SGCZ: variants seen among roughly 807,000 people sequenced by gnomAD.
The protein encoded by SGCZ is zeta-sarcoglycan.
SGCZ carries 40 observed loss-of-function variants against 41.3 expected under a neutral mutation model. The observed-to-expected ratio is 0.97, with a 90% CI of 0.75 to 1.26. The LOEUF (loss-of-function observed/expected upper bound fraction) is 1.26, where lower values mean the gene tolerates loss of function less well. Ranked by LOEUF, SGCZ falls within the 50% of genes most tolerant of loss-of-function variation. SGCZ has a pLI of 0.00. For synonymous variants in SGCZ, 206 were observed against 137.5 expected (o/e 1.50, Z -3.49); for missense variants, 552 against 369.8 (o/e 1.49, Z -4.04).
chr8:14,939,191 A>G (rs759118596), intron 1 of SGCZ, among the ~76,000 whole-genome samples: 10 of 152,082 alleles, frequency 6.6e-5, no homozygotes, highest in South Asian at 4.1e-4. Flanking sequence ...ATGAACACTA[A>G]CACTCAAAGA....
chr8:14,853,966 T>C (rs1263582951), intron 1 of SGCZ, among the ~76,000 whole-genome samples: 1 of 147,930 alleles, frequency 6.8e-6, no homozygotes, highest in Non-Finnish European at 1.5e-5. Context: ...AGGTCGAAAT[T>C]TGCCTACTCC....
intron 1 of SGCZ, among the ~76,000 whole-genome samples, chr8:14,923,254 T>C (rs947650320): frequency 1.3e-5 from 2 of 152,214 alleles, no homozygotes; most frequent in South Asian, 2.1e-4. Flanking sequence ...TATTCTACTT[T>C]GACTCAATGG....
At chr8:15,231,301 C>T (rs1256648370) in intron 1 of SGCZ, among the ~76,000 whole-genome samples, 1 of 152,084 alleles carries the variant, frequency 6.6e-6, no homozygotes, top group Non-Finnish European at 1.5e-5. Context: ...TATTTAATAC[C>T]AGCAAAGTGG....
chr8:15,134,304 C>CTTTT (rs59649473), intron 1 of SGCZ, among the ~76,000 whole-genome samples: 3 of 145,698 alleles, frequency 2.1e-5, no homozygotes, highest in Non-Finnish European at 4.5e-5. Flanking sequence ...AGCATTAGGT[C>CTTTT]TTTTTTTTTT....
chr8:14,212,234 T>C (rs888593006), intron 4 of SGCZ, among the ~76,000 whole-genome samples: 1 of 152,018 alleles, frequency 6.6e-6, no homozygotes, highest in Non-Finnish European at 1.5e-5. Flanking sequence ...TTGCTGGATG[T>C]ACCAGCAGAG....
intron 2 of SGCZ, among the ~76,000 whole-genome samples, chr8:14,394,850 A>G (rs1798862618): frequency 6.6e-6 from 1 of 152,206 alleles, no homozygotes; most frequent in Non-Finnish European, 1.5e-5. Flanking sequence ...TGTTGGAACC[A>G]TTCATGCTTC....
At chr8:14,502,769 A>G (rs1802191876) in intron 2 of SGCZ, among the ~76,000 whole-genome samples, 1 of 152,356 alleles carries the variant, frequency 6.6e-6, no homozygotes, top group Admixed American at 6.5e-5. Flanking sequence ...CACGCCAGTT[A>G]GAACGGCAAT....
intron 2 of SGCZ, among the ~76,000 whole-genome samples, chr8:14,357,467 AT>A (rs1312138559): frequency 6.6e-6 from 1 of 152,200 alleles, no homozygotes; most frequent in Admixed American, 6.5e-5. Context: ...CAAATATTCC[AT>A]TTTGTCTCTT....
intron 4 of SGCZ, among the ~76,000 whole-genome samples, chr8:14,212,612 C>CAAGAGTCT (rs1159693437): frequency 6.6e-6 from 1 of 151,880 alleles, no homozygotes; most frequent in Non-Finnish European, 1.5e-5. Context: ...TCAATAGGAT[C>CAAGAGTCT]AAGAGTCTCT....
At chr8:14,389,623 G>A (rs575243217) in intron 2 of SGCZ, among the ~76,000 whole-genome samples, 6 of 151,988 alleles carry the variant, frequency 3.9e-5, no homozygotes, top group Admixed American at 3.9e-4. Context: ...TAGAGAATTT[G>A]TCTTTATAGA....
intron 1 of SGCZ, among the ~76,000 whole-genome samples, chr8:14,832,182 C>G (rs1341044685): frequency 6.6e-6 from 1 of 152,016 alleles, no homozygotes; most frequent in Non-Finnish European, 1.5e-5. Flanking sequence ...GACATTAATT[C>G]TTTTATTTAG....
intron 2 of SGCZ, among the ~76,000 whole-genome samples, chr8:14,460,685 C>T (rs1800877314): frequency 6.6e-6 from 1 of 152,032 alleles, no homozygotes; most frequent in African/African-American, 2.4e-5. Flanking sequence ...AGATTTTGTC[C>T]CTGCTTTGCC....
chr8:14,160,094 T>TTTAA (rs1267532717), intron 5 of SGCZ, among the ~76,000 whole-genome samples: 1 of 152,176 alleles, frequency 6.6e-6, no homozygotes, highest in Non-Finnish European at 1.5e-5. Context: ...GGTTTTTAGT[T>TTTAA]TTAATTGCTA....
intron 2 of SGCZ, among the ~76,000 whole-genome samples, chr8:14,330,788 G>C (rs900042074): frequency 6.6e-6 from 1 of 151,902 alleles, no homozygotes; most frequent in East Asian, 1.9e-4. Context: ...AATGGCCATA[G>C]TGCTGAGCAT....
At position 14,776,642 on chromosome 8, in the gene SGCZ, T is replaced by C. The variant is rs1017061846; in HGVS notation, c.40-221716A>G. On this transcript the variant is annotated intron_variant, in intron 1 of 7. Coordinates refer to ENST00000382080, the MANE Select transcript of SGCZ (RefSeq NM_139167.4). ...CCGAGTAGCTGGGACTACAGGCGCC[T>C]ACCACCACGCCCAGCTAATTTTTTG... 2.0e-4 allele frequency among the ~76,000 whole-genome samples: 30 copies of C among 148,894 alleles called. 1 individual carries two copies. The highest frequency in any genetic ancestry group is 7.1e-4 in the African/African-American group (29 of 40,636).
intron 4 of SGCZ, among the ~76,000 whole-genome samples, chr8:14,202,429 T>C (rs1805484745): frequency 6.6e-6 from 1 of 152,152 alleles, no homozygotes; most frequent in South Asian, 2.1e-4. Flanking sequence ...TTTGTGGTAA[T>C]TTGTTGCAGC....
chr8:14,990,721 A>T (rs1284026326), intron 1 of SGCZ, among the ~76,000 whole-genome samples: 1 of 152,158 alleles, frequency 6.6e-6, no homozygotes, highest in Non-Finnish European at 1.5e-5. Flanking sequence ...AGTGCGTAAT[A>T]AAGGCAAGGT....
Position 14,344,431 on chromosome 8 carries a change from A to G in SGCZ, c.235-20227T>C, listed in dbSNP as rs554323557. Among the ~76,000 whole-genome samples the G allele has an allele frequency of 3.9e-5, 6 of 152,250 alleles. No homozygotes were observed. The South Asian group carries it at 1.2e-3, about 32-fold the overall frequency. ...TCAAATCAGTAACTGAAAAAAATAC[A>G]TTAACTATAGAATAACAACAATAAA... On this transcript the variant is annotated intron_variant, in intron 2 of 7. Transcript: ENST00000382080.
intron 1 of SGCZ, among the ~76,000 whole-genome samples, chr8:14,886,238 C>T (rs939578601): frequency 6.6e-6 from 1 of 151,412 alleles, no homozygotes; most frequent in Non-Finnish European, 1.5e-5. Context: ...TATTGAGGGC[C>T]TTCTATGTAT....
Sources: allele counts gnomAD v4.1 joint callset (sites outside exome capture counted in the v4.1 genomes callset), GRCh38; gene constraint gnomAD v4.1.1; transcripts MANE v1.5; gene names NCBI Gene and HGNC (gene_info 2026-07-23, HGNC 2026-07-21).